Variants in THBS4 observed in about 807,000 individuals in gnomAD.
THBS4 encodes the protein thrombospondin-4.
Under a neutral mutation model 115.7 loss-of-function variants are expected in THBS4, and 90 were observed. The ratio of observed to expected loss-of-function variants is 0.78; its 90% CI spans 0.66 to 0.93. The LOEUF is 0.93. Among genes scored for constraint, THBS4 ranks in the 40% least tolerant of loss-of-function variants. THBS4 has a pLI of 0.00. For missense variants in THBS4, 1,087 were observed against 1,232.7 expected (o/e 0.88, Z 1.77); for synonymous variants, 460 against 479.3 (o/e 0.96, Z 0.53).
intron 21 of THBS4, among the ~76,000 whole-genome samples, chr5:80,082,811 A>C (rs1743586894): frequency 6.6e-6 from 1 of 152,258 alleles, no homozygotes; most frequent in Non-Finnish European, 1.5e-5. Flanking sequence ...AATTTACAGG[A>C]AGCCTTTATT....
chr5:80,000,912 G>T (rs1205007408), intron 2 of THBS4, among the ~76,000 whole-genome samples: 2 of 152,078 alleles, frequency 1.3e-5, no homozygotes, highest in African/African-American at 4.8e-5. Context: ...TTAAAGAAAA[G>T]ATTTTCTTTC....
intron 9 of THBS4, chr5:80,066,499 G>T (rs990958645): frequency 1.3e-5 from 2 of 152,222 alleles, no homozygotes; most frequent in Non-Finnish European, 2.9e-5. Flanking sequence ...CAGCTCCTCA[G>T]GAGGCTGAGG....
chr5:80,039,691 C>T (rs972830405), intron 1 of THBS4, among the ~76,000 whole-genome samples: 4 of 152,228 alleles, frequency 2.6e-5, no homozygotes, highest in African/African-American at 7.2e-5. Flanking sequence ...CAGAAATTCA[C>T]TGCTTGGGGA....
At chr5:80,012,103 T>C (rs1005113901) in intron 2 of THBS4, among the ~76,000 whole-genome samples, 15 of 151,862 alleles carry the variant, frequency 9.9e-5, no homozygotes, top group Non-Finnish European at 1.9e-4. Context: ...CAAACCTCCA[T>C]GTGTACCCCT....
chr5:79,999,606 A>G (rs1427014959), intron 2 of THBS4, among the ~76,000 whole-genome samples: 1 of 152,250 alleles, frequency 6.6e-6, no homozygotes, highest in African/African-American at 2.4e-5. Flanking sequence ...TGAAGAACAA[A>G]TAAATCCTGC....
rs74993676 is a variant in THBS4 at position 80,003,723 on chromosome 5, C to T, written n.177+5296C>T. 2.3e-3 allele frequency among the ~76,000 whole-genome samples: 344 copies of T among 152,346 alleles called. 5 individuals carry two copies. Among genetic ancestry groups the T allele is most frequent in the African/African-American group, 8.1e-3 (335 of 41,570 alleles). On this transcript the variant is annotated intron_variant and non_coding_transcript_variant, in intron 2 of 3. Coordinates refer to the THBS4 transcript ENST00000510218. ...CTTTGGGGACAGAAGCAGATGCCTT[C>T]GCCAAATTCAAAATGAAATCCCATA...
At chr5:80,033,523 A>T (rs1211399543), upstream of THBS4, among the ~76,000 whole-genome samples, 1 of 152,214 alleles carries the variant, frequency 6.6e-6, no homozygotes, top group East Asian at 1.9e-4. Flanking sequence ...TGCAAGAGTC[A>T]CAAAGAAGAT....
intron 2 of THBS4, among the ~76,000 whole-genome samples, chr5:80,010,453 A>C (rs527514692): frequency 5.9e-5 from 9 of 152,206 alleles, no homozygotes; most frequent in Non-Finnish European, 1.3e-4. Flanking sequence ...AGTACTTTCT[A>C]TCTTGTTGCT....
chr5:80,083,277 A>C lies in THBS4; in HGVS notation c.*136A>C. ...ATGTGGCAATAAAGGAGAAGAGATCATTTTTAAAAACCGTGTTGCTCAGAC... is the reference window on the plus strand; with the variant it reads ...ATGTGGCAATAAAGGAGAAGAGATCCTTTTTAAAAACCGTGTTGCTCAGAC... On this transcript the variant is annotated 3_prime_UTR_variant, in exon 22 of 22. Coordinates refer to ENST00000350881, the MANE Select transcript of THBS4 (RefSeq NM_003248.6). 2.5e-6 allele frequency: 2 copies of C among 790,260 alleles called. No homozygotes were observed. The highest frequency in any genetic ancestry group is 4.2e-6 in the Non-Finnish European group (2 of 476,250). The allele number at this position is 790,260 out of a possible 1,614,324, so 49.0% of individuals were successfully genotyped here. A position where few individuals can be genotyped will look rare whatever the true frequency, so the allele number is the denominator to read the frequency against.
intron 2 of THBS4, among the ~76,000 whole-genome samples, chr5:80,011,507 T>C (rs1336196592): frequency 6.6e-6 from 1 of 152,206 alleles, no homozygotes; most frequent in African/African-American, 2.4e-5. Context: ...AAAATCATTC[T>C]TTGATTTGTT....
At chr5:80,043,006 G>A (rs1463358644) in intron 2 of THBS4, among the ~76,000 whole-genome samples, 1 of 151,890 alleles carries the variant, frequency 6.6e-6, no homozygotes. Flanking sequence ...AAAGATGAAA[G>A]GGTTGAGATG....
At chr5:80,073,155 C>A in intron 14 of THBS4, 120 bp from the exon 15 acceptor site, 1 of 1,024,044 alleles carries the variant, frequency 9.8e-7, no homozygotes, top group Non-Finnish European at 1.5e-6. Context: ...AGTTTTGCAC[C>A]ACCCCGGTTC....
chr5:80,026,308 G>T (rs1169890722), intron 2 of THBS4, among the ~76,000 whole-genome samples: 1 of 152,214 alleles, frequency 6.6e-6, no homozygotes, highest in Non-Finnish European at 1.5e-5. Context: ...AATGCCCTGT[G>T]TGCCTCGACT....
chr5:80,069,955 C>T (rs921413902), intron 10 of THBS4, among the ~76,000 whole-genome samples: 1 of 152,212 alleles, frequency 6.6e-6, no homozygotes, highest in African/African-American at 2.4e-5. Context: ...GACTCTCTCC[C>T]TCTTCCTTCC....
At chr5:80,029,096 G>A (rs1832536136) in intron 2 of THBS4, among the ~76,000 whole-genome samples, 2 of 152,104 alleles carry the variant, frequency 1.3e-5, no homozygotes, top group South Asian at 4.1e-4. Context: ...CCCCATAGAT[G>A]AACTTCAGCC....
At chr5:80,056,459 A>G (rs1190815616) in intron 3 of THBS4, among the ~76,000 whole-genome samples, 1 of 152,234 alleles carries the variant, frequency 6.6e-6, no homozygotes, top group African/African-American at 2.4e-5. Flanking sequence ...GAAACTGCCA[A>G]GCTTTCATAA....
rs1743309447 is a variant in THBS4 at position 80,078,164 on chromosome 5, G to T, written c.2202G>T (p.Gln734His). The T allele has an allele frequency of 9.3e-6, 15 of 1,610,556 alleles. No individual in the cohort carries two copies. The highest frequency in any genetic ancestry group is 1.1e-5 in the Non-Finnish European group (13 of 1,177,750). Residue 734 changes from glutamine to histidine, a missense_variant, in exon 17 of 22, where the codon CAG (glutamine) becomes CAT (histidine). By Grantham distance (24) the Gln-to-His change is conservative. Transcript: ENST00000350881. ...CCCTGACCGACTTCAGGGCTTACCA[G>T]ACCGTGGTCCTGGATCCTGAAGGGG... is the stretch of plus-strand genomic sequence containing the variant. Reference protein sequence around the residue: ...EVTLTDFRAYQTVVLDPEGDA... With the variant: ...EVTLTDFRAYHTVVLDPEGDA...
chr5:80,006,829 T>A (rs907786350), intron 2 of THBS4, among the ~76,000 whole-genome samples: 5 of 152,230 alleles, frequency 3.3e-5, no homozygotes, highest in Non-Finnish European at 5.9e-5. Context: ...AAGCCCTGAC[T>A]TCCCCAATAT....
chr5:79,999,591 G>C (rs183652554), intron 2 of THBS4, among the ~76,000 whole-genome samples: 1 of 152,160 alleles, frequency 6.6e-6, no homozygotes, highest in Admixed American at 6.5e-5. Flanking sequence ...GGCTGCCATC[G>C]ATAATGAAGA....
Sources: gnomAD v4.1 joint callset for allele counts (sites outside exome capture counted in the v4.1 genomes callset) on GRCh38, gnomAD v4.1.1 for gene constraint, MANE v1.5 for transcripts, NCBI Gene and HGNC (gene_info 2026-07-23, HGNC 2026-07-21) for gene names.